CNTN4: variants seen among roughly 807,000 people sequenced by gnomAD.
The protein encoded by CNTN4 is contactin-4.
A neutral mutation model predicts 122.5 loss-of-function variants in CNTN4; 77 were observed. The observed-to-expected ratio is 0.63, with a 90% confidence interval of 0.52 to 0.76. CNTN4 has a LOEUF of 0.76. Ranked by LOEUF, CNTN4 falls within the 30% of genes least tolerant of loss-of-function variation. The pLI is 0.00. For missense variants in CNTN4, 1,256 were observed against 1,259.1 expected (o/e 1.00, Z 0.04); for synonymous variants, 512 against 447.0 (o/e 1.15, Z -1.83).
intron 18 of CNTN4, among the ~76,000 whole-genome samples, chr3:3,038,516 T>TC (rs1699834696): frequency 6.6e-6 from 1 of 151,958 alleles, no homozygotes; most frequent in Non-Finnish European, 1.5e-5. Context: ...GTGCAGGCGC[T>TC]CCTCCACTCC....
intron 4 of CNTN4, among the ~76,000 whole-genome samples, chr3:2,727,757 A>T (rs2088338524): frequency 6.6e-6 from 1 of 152,202 alleles, no homozygotes; most frequent in Non-Finnish European, 1.5e-5. Flanking sequence ...GAGAACAAAG[A>T]AATCGTCTGA....
Position 2,605,974 on chromosome 3 carries a change from C to A in CNTN4, c.55+34416C>A, listed in dbSNP as rs546317400. On this transcript the variant is annotated intron_variant, in intron 4 of 24. Transcript: ENST00000418658. ...AGTGGCTACGTTGGACAGGCAAGGC[C>A]TTGGGGAGCTAAGGCCTGAGCCAAG... Among the ~76,000 whole-genome samples, 11 of 152,218 alleles carry A rather than the reference C, an allele frequency of 7.2e-5. No individual in the cohort carries two copies. The East Asian group carries it at 2.1e-3, about 29-fold the overall frequency.
chr3:2,421,971 AAATT>A (rs1342128745), intron 3 of CNTN4, among the ~76,000 whole-genome samples: 2 of 152,164 alleles, frequency 1.3e-5, no homozygotes, highest in Non-Finnish European at 2.9e-5. Flanking sequence ...TAAAAAAAAA[AAATT>A]AGTGTACCTG....
At chr3:2,204,373 G>A (rs7612682) in intron 2 of CNTN4, among the ~76,000 whole-genome samples, 7,777 of 152,060 alleles carry the variant, frequency 0.051, 349 homozygotes, top group African/African-American at 0.13. Context: ...ATGTAACTAC[G>A]CAGAAAAATA....
At chr3:2,666,602 T>TTTTATG (rs2084180152) in intron 4 of CNTN4, among the ~76,000 whole-genome samples, 1 of 121,526 alleles carries the variant, frequency 8.2e-6, no homozygotes, top group Admixed American at 9.2e-5. Context: ...TTATTTTTAT[T>TTTTATG]TTTTATTATA....
At chr3:2,886,953 T>G in intron 9 of CNTN4, 87 bp from the exon 10 acceptor site, 1 of 1,152,274 alleles carries the variant, frequency 8.7e-7, no homozygotes, top group Non-Finnish European at 1.3e-6. Flanking sequence ...ACCTTATATG[T>G]GTAGAACCAA....
In CNTN4 at chr3:2,423,088, C is replaced by T. The variant is rs148301343; in HGVS notation, c.-89+83855C>T. ...TAGAATGAACTTCAACAGTGATGAACTGATAACCAATTAAATAAATAATTG... is the reference window on the plus strand; with the variant it reads ...TAGAATGAACTTCAACAGTGATGAATTGATAACCAATTAAATAAATAATTG... On this transcript the variant is annotated intron_variant, in intron 3 of 24. Transcript: ENST00000418658. Among the ~76,000 whole-genome samples, 392 of 152,310 alleles carry T rather than the reference C, an allele frequency of 2.6e-3. 1 individual carries two copies. The highest frequency in any genetic ancestry group is 9.0e-3 in the African/African-American group (373 of 41,568).
chr3:2,364,771 A>C (rs2045306847), intron 3 of CNTN4, among the ~76,000 whole-genome samples: 1 of 152,198 alleles, frequency 6.6e-6, no homozygotes, highest in Non-Finnish European at 1.5e-5. Context: ...GATTCCAACA[A>C]AGTTAAGGGA....
intron 3 of CNTN4, among the ~76,000 whole-genome samples, chr3:2,393,092 C>G (rs990791204): frequency 6.6e-6 from 1 of 152,154 alleles, no homozygotes; most frequent in South Asian, 2.1e-4. Flanking sequence ...CTGTTCCATC[C>G]TATTCTTCTA....
intron 4 of CNTN4, among the ~76,000 whole-genome samples, chr3:2,714,347 T>C (rs1225980285): frequency 6.6e-6 from 1 of 152,198 alleles, no homozygotes; most frequent in Non-Finnish European, 1.5e-5. Context: ...CAAACAGTTC[T>C]TCATACTGTT....
At chr3:2,988,298 A>G in intron 13 of CNTN4, 47 bp from the exon 14 acceptor site, 1 of 1,583,250 alleles carries the variant, frequency 6.3e-7, no homozygotes. Flanking sequence ...GCAATAGGTC[A>G]TATGAGATAA....
At chr3:2,560,190 C>CAGTG (rs779217614) in intron 3 of CNTN4, among the ~76,000 whole-genome samples, 39 of 150,918 alleles carry the variant, frequency 2.6e-4, no homozygotes, top group Non-Finnish European at 5.2e-4. Context: ...ACCCAGGCTA[C>CAGTG]AGTGCAGTGG....
intron 3 of CNTN4, among the ~76,000 whole-genome samples, chr3:2,416,949 C>T (rs1474978820): frequency 2.0e-5 from 3 of 152,262 alleles, no homozygotes; most frequent in Non-Finnish European, 4.4e-5. Flanking sequence ...CCACCGCGCC[C>T]GGCCCAGTGT....
chr3:3,022,595 T>C (rs1698396392), intron 14 of CNTN4, among the ~76,000 whole-genome samples: 2 of 152,224 alleles, frequency 1.3e-5, no homozygotes. Flanking sequence ...TGATTATTAA[T>C]TGAGTAGTTA....
At chr3:2,271,257 T>C (rs1384686369) in intron 2 of CNTN4, among the ~76,000 whole-genome samples, 2 of 152,290 alleles carry the variant, frequency 1.3e-5, no homozygotes, top group South Asian at 2.1e-4. Context: ...CATTTTGTTA[T>C]TGTTACTAGG....
At chr3:2,377,003 A>G (rs186898991) in intron 3 of CNTN4, among the ~76,000 whole-genome samples, 64 of 152,246 alleles carry the variant, frequency 4.2e-4, no homozygotes, top group Admixed American at 1.3e-3. Flanking sequence ...TAAAAATACA[A>G]AAATTAGCCA....
intron 4 of CNTN4, among the ~76,000 whole-genome samples, chr3:2,730,105 G>T (rs886131562): frequency 2.6e-5 from 4 of 152,100 alleles, no homozygotes; most frequent in African/African-American, 9.7e-5. Context: ...GAGACTGGAG[G>T]TGTTTCAGAC....
At chr3:2,195,384 G>T (rs1247687112) in intron 2 of CNTN4, among the ~76,000 whole-genome samples, 1 of 152,162 alleles carries the variant, frequency 6.6e-6, no homozygotes, top group Admixed American at 6.5e-5. Context: ...CAATGAACAC[G>T]GGAGTGAAGA....
intron 6 of CNTN4, among the ~76,000 whole-genome samples, chr3:2,778,114 T>C (rs1399346668): frequency 3.5e-5 from 5 of 141,340 alleles, no homozygotes; most frequent in Non-Finnish European, 7.6e-5. Flanking sequence ...CTCAGGAGGC[T>C]GAGGCAGGAG....
Sources: gnomAD v4.1 joint callset for allele counts (sites outside exome capture counted in the v4.1 genomes callset) on GRCh38, gnomAD v4.1.1 for gene constraint, MANE v1.5 for transcripts, NCBI Gene and HGNC (gene_info 2026-07-23, HGNC 2026-07-21) for gene names.